IHO1: variants seen among roughly 807,000 people sequenced by gnomAD.
The protein encoded by IHO1 is interactor of HORMAD1 protein 1.
IHO1 carries 13 observed loss-of-function variants against 31.0 expected under a neutral mutation model. The ratio of observed to expected loss-of-function variants is 0.42; its 90% confidence interval spans 0.27 to 0.67. The LOEUF is 0.67. Ranked by LOEUF, IHO1 falls within the 30% of genes least tolerant of loss-of-function variation. IHO1 has a pLI of 0.24. For synonymous variants in IHO1, 221 were observed against 248.4 expected (o/e 0.89, Z 1.04); for missense variants, 599 against 687.5 (o/e 0.87, Z 1.44).
chr3:49,202,754 C>T (rs549093880), intron 1 of IHO1, among the ~76,000 whole-genome samples: 1 of 152,002 alleles, frequency 6.6e-6, no homozygotes, highest in South Asian at 2.1e-4. Context: ...TGGCTCACTG[C>T]AACCTCCGCC....
intron 2 of IHO1, among the ~76,000 whole-genome samples, chr3:49,235,775 C>T (rs1270481497): frequency 1.3e-5 from 2 of 150,364 alleles, no homozygotes; most frequent in Non-Finnish European, 3.0e-5. Flanking sequence ...ATTAAAAATA[C>T]AAAAATTGAC....
At chr3:49,209,009 T>G (rs1013106832) in intron 1 of IHO1, among the ~76,000 whole-genome samples, 1 of 149,942 alleles carries the variant, frequency 6.7e-6, no homozygotes, top group Non-Finnish European at 1.5e-5. Context: ...TTGTAGGACA[T>G]CTTTCTTCTG....
At chr3:49,254,572 G>A (rs556622578) in intron 6 of IHO1, among the ~76,000 whole-genome samples, 24 of 152,148 alleles carry the variant, frequency 1.6e-4, no homozygotes, top group Admixed American at 1.4e-3. Flanking sequence ...GATTGGTTGC[G>A]GGGGGCGGGG....
At chr3:49,214,661 C>T (rs1192689838) in intron 2 of IHO1, among the ~76,000 whole-genome samples, 2 of 17,480 alleles carry the variant, frequency 1.1e-4, no homozygotes, top group African/African-American at 1.9e-4. Flanking sequence ...TTTTTTGAGA[C>T]GGAGTTTCAC....
At position 49,241,392 on chromosome 3, in the gene IHO1, A is replaced by G. The variant is rs776123560; in HGVS notation, c.395+3A>G. 9.0e-5 allele frequency: 143 copies of G among 1,593,308 alleles called. 1 individual carries two copies. The South Asian group carries it at 1.6e-3, about 18-fold the overall frequency. ...AGGGCAAAAGACAAATGTGACAGGTATGTAAACCTTTCAAATGGATGAAAG... is the reference window on the plus strand; with the variant it reads ...AGGGCAAAAGACAAATGTGACAGGTGTGTAAACCTTTCAAATGGATGAAAG... On this transcript the variant is annotated splice_donor_region_variant and intron_variant, in intron 4 of 7. Coordinates refer to ENST00000452691, the MANE Select transcript of IHO1 (RefSeq NM_001135197.2).
chr3:49,216,501 C>T lies in IHO1; in HGVS notation c.56+4665C>T, dbSNP rs569742800. Among the ~76,000 whole-genome samples the T allele has an allele frequency of 1.2e-4, 18 of 152,014 alleles. No homozygotes were observed. The South Asian group carries it at 1.9e-3, about 16-fold the overall frequency. On this transcript the variant is annotated intron_variant, in intron 2 of 7. Transcript: ENST00000452691. ...CCCAGCTACCCGGGAGGCTGAGGGA[C>T]GAGAATTGCTTAAATGTAAGGCCTA...
chr3:49,241,327 A>T lies in IHO1; in HGVS notation c.333A>T (p.Lys111Asn). The T allele has an allele frequency of 6.2e-7, 1 of 1,613,896 alleles. No homozygotes were observed. The highest frequency in any genetic ancestry group is 8.5e-7 in the Non-Finnish European group (1 of 1,179,862). The change falls in exon 4 of 8, where the codon AAA becomes AAT. Residue 111 changes from lysine to asparagine, a missense_variant. Physicochemically the swap from Lys to Asn is moderately conservative, Grantham distance 94. Coordinates refer to ENST00000452691, the MANE Select transcript of IHO1 (RefSeq NM_001135197.2). ...TTCCTCCTCCTTTGTCAGTTGGAAA[A>T]TCAAAAGGCCTCTTGGAACAGTTTG... ...GLFPPPLSVG[K>N]SKGLLEQFEE...
intron 1 of IHO1, among the ~76,000 whole-genome samples, chr3:49,208,603 C>T (rs998832183): frequency 6.6e-6 from 1 of 152,164 alleles, no homozygotes; most frequent in Non-Finnish European, 1.5e-5. Context: ...AGGTCAGAGA[C>T]CTAATGCCTG....
At chr3:49,241,518 C>A in intron 4 of IHO1, 129 bp downstream of exon 4, 1 of 701,600 alleles carries the variant, frequency 1.4e-6, no homozygotes, top group Non-Finnish European at 2.3e-6. Context: ...AGAAACCAAA[C>A]CATAGGACTT....
chr3:49,236,821 C>G (rs2046565307), intron 3 of IHO1, 99 bp downstream of exon 3: 2 of 1,121,884 alleles, frequency 1.8e-6, no homozygotes, highest in African/African-American at 3.2e-5. Flanking sequence ...ATGGCTGACA[C>G]CTGTAATCCC....
At chr3:49,216,448 G>T (rs533189114) in intron 2 of IHO1, among the ~76,000 whole-genome samples, 3 of 152,266 alleles carry the variant, frequency 2.0e-5, no homozygotes, top group African/African-American at 7.2e-5. Context: ...ACAAAAATTA[G>T]CCGGGTGTGG....
At chr3:49,237,164 A>G (rs2046569614) in intron 3 of IHO1, among the ~76,000 whole-genome samples, 1 of 152,006 alleles carries the variant, frequency 6.6e-6, no homozygotes, top group South Asian at 2.1e-4. Flanking sequence ...CCTGGCCAAG[A>G]TGGTGGAACC....
chr3:49,253,828 CTTTTTTTT>C (rs139087366), intron 6 of IHO1, among the ~76,000 whole-genome samples: 2 of 72,236 alleles, frequency 2.8e-5, no homozygotes, highest in African/African-American at 1.2e-4. Context: ...CTTTATTTGT[CTTTTTTTT>C]TTTTTTTTTT....
At chr3:49,210,735 C>T (rs1380791154) in intron 1 of IHO1, among the ~76,000 whole-genome samples, 6 of 130,284 alleles carry the variant, frequency 4.6e-5, no homozygotes, top group African/African-American at 9.1e-5. Flanking sequence ...CTCACTCTGT[C>T]GCCCCAGGCT....
At chr3:49,222,780 C>A (rs150571080) in intron 2 of IHO1, among the ~76,000 whole-genome samples, 1 of 152,148 alleles carries the variant, frequency 6.6e-6, no homozygotes, top group Admixed American at 6.5e-5. Flanking sequence ...TCCAATGGTT[C>A]GCAAGTTTAT....
chr3:49,194,895 C>CAAAT (rs1185644386), upstream of IHO1, among the ~76,000 whole-genome samples: 3 of 151,516 alleles, frequency 2.0e-5, no homozygotes, highest in South Asian at 2.1e-4. Context: ...GACCCCGTCT[C>CAAAT]AAATAAATAA....
chr3:49,194,085 T>C (rs1421299325), upstream of IHO1, among the ~76,000 whole-genome samples: 1 of 150,346 alleles, frequency 6.7e-6, no homozygotes, highest in Non-Finnish European at 1.5e-5. Context: ...CTGGCCAACA[T>C]GGTGAAACCC....
intron 2 of IHO1, among the ~76,000 whole-genome samples, chr3:49,224,489 T>C (rs1559443651): frequency 6.6e-6 from 1 of 152,244 alleles, no homozygotes; most frequent in Non-Finnish European, 1.5e-5. Context: ...CTTTCTATAT[T>C]GCAGCATGGG....
upstream of IHO1, among the ~76,000 whole-genome samples, chr3:49,194,788 CGA>C (rs2045988304): frequency 6.6e-6 from 1 of 151,386 alleles, no homozygotes; most frequent in African/African-American, 2.4e-5. Context: ...CTCAACTATT[CGA>C]GAGGCTGAGG....
Sources: allele counts gnomAD v4.1 joint callset (sites outside exome capture counted in the v4.1 genomes callset), GRCh38; gene constraint gnomAD v4.1.1; transcripts MANE v1.5; gene names NCBI Gene and HGNC (gene_info 2026-07-23, HGNC 2026-07-21).